The following GLI3 variants were observed in gnomAD, a reference collection of about 807,000 sequenced individuals.
GLI3 encodes GLI family zinc finger 3.
In GLI3, 20 loss-of-function variants were observed where a neutral mutation model predicts 100.8. The ratio of observed to expected loss-of-function variants is 0.20; its 90% confidence interval spans 0.14 to 0.29. The LOEUF is 0.29. Among genes scored for constraint, GLI3 ranks in the 10% least tolerant of loss-of-function variants. GLI3 has a pLI of 1.00. For synonymous variants in GLI3, 938 were observed against 860.5 expected (o/e 1.09, Z -1.58); for missense variants, 2,040 against 2,128.5 (o/e 0.96, Z 0.82).
intron 3 of GLI3, among the ~76,000 whole-genome samples, chr7:42,139,962 C>T (rs1253370425): frequency 6.6e-6 from 1 of 152,174 alleles, no homozygotes; most frequent in East Asian, 1.9e-4. Flanking sequence ...AACAGCTCCT[C>T]ACAGAAGCCT....
intron 12 of GLI3, among the ~76,000 whole-genome samples, chr7:41,976,666 G>A (rs956940513): frequency 1.3e-5 from 2 of 152,140 alleles, no homozygotes; most frequent in Admixed American, 1.3e-4. Flanking sequence ...CTGATGACAC[G>A]CTGTGGTGCT....
intron 3 of GLI3, among the ~76,000 whole-genome samples, chr7:42,082,423 C>A (rs920280506): frequency 1.3e-5 from 2 of 152,096 alleles, no homozygotes; most frequent in Non-Finnish European, 2.9e-5. Context: ...GCTGATCCGC[C>A]CTCTGAGGAC....
At chr7:42,252,382 C>A (rs1020125261) in intron 1 of GLI3, among the ~76,000 whole-genome samples, 5 of 152,122 alleles carry the variant, frequency 3.3e-5, no homozygotes, top group Non-Finnish European at 7.3e-5. Context: ...AGAAAAAATA[C>A]TAGGCTTAGT....
chr7:42,119,958 T>A (rs909805281), intron 3 of GLI3, among the ~76,000 whole-genome samples: 7 of 152,074 alleles, frequency 4.6e-5, no homozygotes, highest in African/African-American at 1.7e-4. Flanking sequence ...CCACACAAAC[T>A]CACAGACACA....
chr7:42,153,232 A>C (rs1786918371), intron 2 of GLI3, among the ~76,000 whole-genome samples: 1 of 152,166 alleles, frequency 6.6e-6, no homozygotes. Context: ...GGATTTGAAA[A>C]GAAGGTAATT....
intron 3 of GLI3, among the ~76,000 whole-genome samples, chr7:42,118,645 C>T (rs1785919004): frequency 6.6e-6 from 1 of 152,186 alleles, no homozygotes; most frequent in South Asian, 2.1e-4. Context: ...GTGAAGCTGT[C>T]AAATTCAGGC....
chr7:42,106,589 T>A (rs1028456928), intron 3 of GLI3, among the ~76,000 whole-genome samples: 5 of 152,210 alleles, frequency 3.3e-5, no homozygotes, highest in Non-Finnish European at 7.3e-5. Context: ...AGCAGTGGCC[T>A]CTACATACTG....
At chr7:42,010,696 T>C (rs933000873) in intron 10 of GLI3, among the ~76,000 whole-genome samples, 4 of 152,180 alleles carry the variant, frequency 2.6e-5, no homozygotes, top group African/African-American at 7.2e-5. Flanking sequence ...ATAAAATGCA[T>C]ACATTTAATA....
At position 42,130,865 on chromosome 7, in the gene GLI3, A is replaced by C. The variant is rs77956014; in HGVS notation, c.367+17361T>G. Among the ~76,000 whole-genome samples the C allele has an allele frequency of 7.1e-3, 1,085 of 152,340 alleles. 5 individuals are homozygous for C. Among genetic ancestry groups the C allele is most frequent in the African/African-American group, 0.024 (1,017 of 41,578 alleles). ...AAACCACTAAGGATAAAAAGATCCC[A>C]AAAGTTTCCAGGAAGGAAAAAAATA... On this transcript the variant is annotated intron_variant, in intron 3 of 14. Transcript: ENST00000395925.
intron 1 of GLI3, among the ~76,000 whole-genome samples, chr7:42,235,530 C>A (rs1479646159): frequency 6.6e-6 from 1 of 152,120 alleles, no homozygotes; most frequent in African/African-American, 2.4e-5. Flanking sequence ...TCTAAAAAAA[C>A]GGCCTCATCC....
At chr7:42,061,654 GC>G (rs1283733021) in intron 4 of GLI3, among the ~76,000 whole-genome samples, 1 of 152,116 alleles carries the variant, frequency 6.6e-6, no homozygotes, top group Non-Finnish European at 1.5e-5. Flanking sequence ...TGAGACTAAG[GC>G]TTTATGTCCT....
intron 7 of GLI3, among the ~76,000 whole-genome samples, chr7:42,029,132 T>C (rs1446965577): frequency 1.3e-5 from 2 of 152,340 alleles, no homozygotes; most frequent in East Asian, 3.9e-4. Context: ...CTCCTCCTCG[T>C]GCACAGACCT....
At chr7:42,015,665 C>T in intron 10 of GLI3, among the ~76,000 whole-genome samples, 1 of 151,538 alleles carries the variant, frequency 6.6e-6, no homozygotes, top group East Asian at 1.9e-4. Flanking sequence ...GGTTATGGGC[C>T]TTACTGAGAA....
chr7:42,169,908 T>C (rs566752420), intron 2 of GLI3, among the ~76,000 whole-genome samples: 1 of 151,954 alleles, frequency 6.6e-6, no homozygotes, highest in East Asian at 1.9e-4. Flanking sequence ...ATATAAGAAG[T>C]AATATTCAAT....
chr7:41,983,067 T>C (rs1787719253), intron 10 of GLI3, among the ~76,000 whole-genome samples: 1 of 152,258 alleles, frequency 6.6e-6, no homozygotes, highest in South Asian at 2.1e-4. Context: ...TGACTTTTTT[T>C]TCAACTTTTA....
At chr7:42,237,430 C>T (rs543165398), upstream of GLI3, among the ~76,000 whole-genome samples, 87 of 152,270 alleles carry the variant, frequency 5.7e-4, no homozygotes, top group Non-Finnish European at 1.6e-4. Flanking sequence ...AAGGTCCCAT[C>T]CCGGCCTGGT....
At chr7:42,232,972 A>G (rs1788723534) in intron 1 of GLI3, among the ~76,000 whole-genome samples, 1 of 152,242 alleles carries the variant, frequency 6.6e-6, no homozygotes, top group Admixed American at 6.5e-5. Flanking sequence ...AATATAGCGC[A>G]TTTAGAATTA....
intron 10 of GLI3, 151 bp downstream of exon 10, chr7:42,023,317 A>G (rs1306069901): frequency 4.0e-6 from 3 of 742,160 alleles, no homozygotes; most frequent in Non-Finnish European, 6.8e-6. Flanking sequence ...CGTGGCTCCG[A>G]GTTTTCTTTA....
intron 3 of GLI3, among the ~76,000 whole-genome samples, chr7:42,144,459 C>T (rs1423005207): frequency 1.3e-5 from 2 of 152,094 alleles, no homozygotes; most frequent in Non-Finnish European, 2.9e-5. Context: ...GAGAGAATAC[C>T]CCCGTATCCC....
Sources: gnomAD v4.1 joint callset for allele counts (sites outside exome capture counted in the v4.1 genomes callset) on GRCh38, gnomAD v4.1.1 for gene constraint, MANE v1.5 for transcripts, NCBI Gene and HGNC (gene_info 2026-07-23, HGNC 2026-07-21) for gene names.